CYFIP1: variants seen among roughly 807,000 people sequenced by gnomAD.
CYFIP1 encodes the protein cytoplasmic FMR1-interacting protein 1.
A neutral mutation model predicts 163.5 loss-of-function variants in CYFIP1; 58 were observed. The ratio of observed to expected loss-of-function variants is 0.35; its 90% confidence interval spans 0.29 to 0.44. The LOEUF (loss-of-function observed/expected upper bound fraction) is 0.44. Among genes scored for constraint, CYFIP1 ranks in the 20% least tolerant of loss-of-function variants. The probability of loss-of-function intolerance (pLI) is 1.00; values close to 1 mark genes in which losing one functional copy is unlikely to be tolerated. For synonymous variants in CYFIP1, 663 were observed against 660.7 expected (o/e 1.00, Z -0.05); for missense variants, 1,338 against 1,653.8 (o/e 0.81, Z 3.31).
At position 22,952,013 on chromosome 15, in the gene CYFIP1, T is replaced by C. The variant is rs551451802; in HGVS notation, c.-6-4722A>G. The stretch of plus-strand genomic sequence containing the variant: ...CAGTGCTTGCAGACTTCTTTCTTTG[T>C]ATAAAAATAACAGTATTTATGTGGT... On this transcript the variant is annotated intron_variant, in intron 1 of 30. Coordinates refer to ENST00000617928, the MANE Select transcript of CYFIP1 (RefSeq NM_014608.6). 3.2e-4 allele frequency among the ~76,000 whole-genome samples: 49 copies of C among 152,352 alleles called. 2 individuals are homozygous for C. In the South Asian group the frequency reaches 9.3e-3, roughly 29 times the overall value.
intron 13 of CYFIP1, among the ~76,000 whole-genome samples, chr15:22,921,291 CT>C (rs2061167242): frequency 6.6e-6 from 1 of 151,998 alleles, no homozygotes; most frequent in African/African-American, 2.4e-5. Context: ...CTGCTTGAAA[CT>C]GGGAGGTGGA....
At chr15:22,947,403 C>T (rs951075411) in intron 1 of CYFIP1, 112 bp from the exon 2 acceptor site, 24 of 1,433,286 alleles carry the variant, frequency 1.7e-5, no homozygotes, top group Non-Finnish European at 2.2e-5. Flanking sequence ...CCGAGGGCAC[C>T]GGACATGGCT....
chr15:22,912,247 T>C lies in CYFIP1; in HGVS notation c.2014A>G (p.Asn672Asp). The C allele has an allele frequency of 6.2e-7, 1 of 1,614,014 alleles. No homozygotes were observed. Among genetic ancestry groups the C allele is most frequent in the South Asian group, 1.1e-5 (1 of 91,026 alleles). ...EYVLYSLDLY[N>D]DSAHYALTRF... ...GTGAGCGCGTAGTGGGCGCTGTCAT[T>C]GTACAGGTCCAGGGAGTAGAGCACG... The change falls in exon 18 of 31, where the codon AAT (asparagine) becomes GAT (aspartate). Residue 672 changes from asparagine (N) to aspartate (D), a missense_variant. Asn to Asp is a conservative substitution (Grantham distance 23, BLOSUM62 1). Transcript: ENST00000617928.
chr15:22,880,486 C>G lies in CYFIP1; in HGVS notation c.2912-443G>C, dbSNP rs563057427. On this transcript the variant is annotated intron_variant, in intron 25 of 30. Transcript: ENST00000617928. ...ACTAACAGCACGCCCAACGGGAGGC[C>G]GCACACCAGGCCAGCTCCAGAGCAA... Among the ~76,000 whole-genome samples, 292 of 152,314 alleles carry G rather than the reference C, an allele frequency of 1.9e-3. 1 individual carries two copies. Among genetic ancestry groups the G allele is most frequent in the Non-Finnish European group, 3.4e-3 (233 of 68,022 alleles).
chr15:22,946,423 T>C (rs1662365013), intron 3 of CYFIP1, among the ~76,000 whole-genome samples: 1 of 151,974 alleles, frequency 6.6e-6, no homozygotes, highest in Non-Finnish European at 1.5e-5. Context: ...GGCAGATCAC[T>C]TGAGGTCAGG....
intron 12 of CYFIP1, 23 bp from the exon 13 acceptor site, chr15:22,926,130 G>C: frequency 6.2e-7 from 1 of 1,613,924 alleles, no homozygotes; most frequent in Non-Finnish European, 8.5e-7. Context: ...AAAGAGCAGA[G>C]GTGTTCCATA....
rs1443750295 is a variant in CYFIP1, at chr15:22,931,685, T to A, written c.1110+538A>T. On this transcript the variant is annotated intron_variant, in intron 11 of 30. Transcript: ENST00000617928. ...TCTTGGGATCCCTATAATGTTTTTC[T>A]GAAAAAAAAAAAAAAAAAAAAAAAA... Among the ~76,000 whole-genome samples the A allele has an allele frequency of 5.9e-3, 181 of 30,710 alleles. 4 individuals are homozygous for A. Among genetic ancestry groups the A allele is most frequent in the African/African-American group, 0.039 (172 of 4,398 alleles). The allele number at this position is 30,710 out of a possible 152,430, so 20.1% of individuals were successfully genotyped here.
chr15:22,871,606 T>A lies in CYFIP1; in HGVS notation c.3597+1219A>T, dbSNP rs558805017. ...GGGCCTGGGCAGGTGTGGCTAAGAC[T>A]GGACTGTAGAACAGGGAGAGTATCT... On this transcript the variant is annotated intron_variant, in intron 30 of 30. Coordinates refer to ENST00000617928, the MANE Select transcript of CYFIP1 (RefSeq NM_014608.6). Among the ~76,000 whole-genome samples the A allele has an allele frequency of 9.2e-5, 14 of 152,286 alleles. No homozygotes were observed. The South Asian group carries it at 2.7e-3, about 29-fold the overall frequency.
chr15:22,906,768 AACT>A lies in CYFIP1; in HGVS notation c.2388+2423_2388+2425del, dbSNP rs533735760. 1.1e-3 allele frequency among the ~76,000 whole-genome samples: 174 copies of A among 152,294 alleles called. 2 individuals carry two copies. Among genetic ancestry groups the A allele is most frequent in the African/African-American group, 4.0e-3 (165 of 41,570 alleles). ...CCGTGAGCCACAGCGCCCGGCCAGC[AACT>A]ACTACTTTCTTCATTTCTTTTAGCT... On this transcript the variant is annotated intron_variant, in intron 21 of 30. Coordinates refer to ENST00000617928, the MANE Select transcript of CYFIP1 (RefSeq NM_014608.6).
chr15:22,961,036 T>C (rs2062663116), intron 1 of CYFIP1, among the ~76,000 whole-genome samples: 1 of 152,044 alleles, frequency 6.6e-6, no homozygotes, highest in Non-Finnish European at 1.5e-5. Context: ...ATTTTATTTA[T>C]TTTTAAGATG....
intron 26 of CYFIP1, chr15:22,875,612 C>T (rs1011801922): frequency 3.9e-5 from 9 of 229,752 alleles, no homozygotes; most frequent in Admixed American, 3.5e-4. Context: ...TGTCTAAAAG[C>T]TCTCGCCCCA....
At position 22,916,587 on chromosome 15, in the gene CYFIP1, T is replaced by C. The variant is rs201273316; in HGVS notation, c.1718A>G (p.Lys573Arg). The C allele has an allele frequency of 3.7e-6, 6 of 1,614,146 alleles. No homozygotes were observed. The Admixed American group carries it at 1.0e-4, about 27-fold the overall frequency. Residue 573 changes from lysine (K) to arginine (R), a missense_variant, in exon 16 of 31, where the codon AAA becomes AGA. Around this residue, in one of 4 missense-constraint regions of CYFIP1, gnomAD observed 824 missense variants for 995.7 expected, o/e 0.83. Coordinates refer to ENST00000617928, the MANE Select transcript of CYFIP1 (RefSeq NM_014608.6). ...RTMLESLIAD[K>R]SGSKKTLRSS... ...TCTCAAGGTTTTCTTGGAACCACTT[T>C]TGTCTGCAATGAGGGACTCTAGCAT...
Position 22,931,966 on chromosome 15 carries a change from A to G in CYFIP1, c.1110+257T>C, listed in dbSNP as rs1161640939. Among the ~76,000 whole-genome samples, 3 of 152,166 alleles carry G rather than the reference A, an allele frequency of 2.0e-5. No individual in the cohort carries two copies. In the East Asian group the frequency reaches 5.8e-4, roughly 29 times the overall value. On this transcript the variant is annotated intron_variant, in intron 11 of 30. Coordinates refer to ENST00000617928, the MANE Select transcript of CYFIP1 (RefSeq NM_014608.6). ...AACGTGCTCCATAGGTGTGTGGCCTAGGAGCCATCCGCTGTACCCTGCAGC... is the reference window on the plus strand; with the variant it reads ...AACGTGCTCCATAGGTGTGTGGCCTGGGAGCCATCCGCTGTACCCTGCAGC...
At chr15:22,925,643 G>C (rs1344358744) in intron 13 of CYFIP1, among the ~76,000 whole-genome samples, 1 of 152,112 alleles carries the variant, frequency 6.6e-6, no homozygotes, top group East Asian at 1.9e-4. Flanking sequence ...GCTCACGAGG[G>C]GAGTGCAGCG....
chr15:22,973,311 CAAAAAAAAAA>C (rs397761069), intron 1 of CYFIP1, among the ~76,000 whole-genome samples: 48 of 71,786 alleles, frequency 6.7e-4, no homozygotes, highest in Middle Eastern at 8.8e-3. Flanking sequence ...GAGACCTTGT[CAAAAAAAAAA>C]AAAAAAAAAA....
intron 22 of CYFIP1, among the ~76,000 whole-genome samples, chr15:22,896,350 T>C (rs1175412718): frequency 2.0e-5 from 3 of 152,028 alleles, no homozygotes; most frequent in African/African-American, 7.2e-5. Context: ...TTATTGAGCT[T>C]CTTGTATCTG....
intron 1 of CYFIP1, among the ~76,000 whole-genome samples, chr15:22,956,396 T>C (rs146704139): frequency 6.6e-6 from 1 of 151,636 alleles, no homozygotes; most frequent in Non-Finnish European, 1.5e-5. Context: ...CAAAAACAAA[T>C]GGAAATTAAA....
At chr15:22,896,305 T>C (rs78425199) in intron 22 of CYFIP1, among the ~76,000 whole-genome samples, 3,264 of 152,224 alleles carry the variant, frequency 0.021, 124 homozygotes, top group African/African-American at 0.073. Context: ...GGCCCAACAG[T>C]GGCTCTTTTC....
intron 9 of CYFIP1, among the ~76,000 whole-genome samples, chr15:22,934,314 G>A (rs1374555227): frequency 6.7e-6 from 1 of 149,264 alleles, no homozygotes; most frequent in Non-Finnish European, 1.5e-5. Context: ...AGGCTCCCGA[G>A]TAGCTGGGAC....
Sources: gnomAD v4.1 joint callset for allele counts (sites outside exome capture counted in the v4.1 genomes callset) on GRCh38, gnomAD v4.1.1 for gene constraint, gnomAD v4.1.1 regional missense constraint, MANE v1.5 for transcripts, NCBI Gene and HGNC (gene_info 2026-07-23, HGNC 2026-07-21) for gene names.